TRIB2: variants seen among roughly 807,000 people sequenced by gnomAD.
TRIB2 encodes tribbles pseudokinase 2.
In TRIB2, 2 loss-of-function variants were observed where a neutral mutation model predicts 26.8. The observed-to-expected ratio is 0.07, with a 90% CI of 0.03 to 0.24. The LOEUF is 0.24. Among genes scored for constraint, TRIB2 ranks in the 10% least tolerant of loss-of-function variants. The probability of loss-of-function intolerance (pLI) is 1.00; values close to 1 mark genes in which losing one functional copy is unlikely to be tolerated. For missense variants in TRIB2, 306 were observed against 449.0 expected (o/e 0.68, Z 2.88); for synonymous variants, 189 against 187.3 (o/e 1.01, Z -0.08).
At position 12,734,369 on chromosome 2, in the gene TRIB2, A is replaced by T. The variant is rs1178384113; in HGVS notation, c.564-5957A>T. On this transcript the variant is annotated intron_variant, in intron 2 of 2. Coordinates refer to ENST00000155926, the MANE Select transcript of TRIB2 (RefSeq NM_021643.4). ...GATTACTGTAGTCAGAACTGAATAA[A>T]GTGAGGGGACTGGGCTGGGCACAGA... Among the ~76,000 whole-genome samples the T allele has an allele frequency of 3.9e-5, 6 of 152,162 alleles. No individual in the cohort carries two copies. The East Asian group carries it at 9.6e-4, about 24-fold the overall frequency.
intron 2 of TRIB2, among the ~76,000 whole-genome samples, chr2:12,727,385 G>C (rs1452997553): frequency 1.3e-5 from 2 of 152,172 alleles, no homozygotes; most frequent in African/African-American, 4.8e-5. Flanking sequence ...GCTCGCCTGG[G>C]CAGCCTATTC....
intron 2 of TRIB2, among the ~76,000 whole-genome samples, chr2:12,735,714 A>G (rs1234847095): frequency 6.6e-6 from 1 of 152,104 alleles, no homozygotes; most frequent in East Asian, 1.9e-4. Context: ...TCTTGAACCC[A>G]GGTCTCTGTG....
At chr2:12,723,194 G>C (rs1171034080) in intron 1 of TRIB2, 66 bp from the exon 2 acceptor site, 6 of 1,530,002 alleles carry the variant, frequency 3.9e-6, no homozygotes, top group Non-Finnish European at 4.4e-6. Context: ...GGGAGGTGCA[G>C]CATTATGTGT....
Position 12,740,243 on chromosome 2 carries a change from A to G in TRIB2, c.564-83A>G. On this transcript the variant is annotated intron_variant, in intron 2 of 2. Coordinates refer to ENST00000155926, the MANE Select transcript of TRIB2 (RefSeq NM_021643.4). The surrounding 1 kb of genome is among the most constrained non-coding windows in gnomAD (Gnocchi z 5.8). ...ATGTGAATGAGGAGTCTTCAGAAAC[A>G]CTATAGTCGGTTATGTTATGATGCT... The G allele has an allele frequency of 7.6e-7, 1 of 1,316,056 alleles. No individual in the cohort carries two copies. Among genetic ancestry groups the G allele is most frequent in the African/African-American group, 1.5e-5 (1 of 68,292 alleles). The allele number at this position is 1,316,056 out of a possible 1,614,324, so 81.5% of individuals were successfully genotyped here.
rs758430503 is a variant in TRIB2, at chr2:12,723,243, T to C, written c.271-17T>C. Reference sequence around the variant, plus strand: ...GAGGCACCTCTGACTTTGGTCTTACTGTTAATCCTGTCGTAGGTGTTTGAT... The same window carrying C: ...GAGGCACCTCTGACTTTGGTCTTACCGTTAATCCTGTCGTAGGTGTTTGAT... On this transcript the variant is annotated splice_polypyrimidine_tract_variant and intron_variant, in intron 1 of 2. Coordinates refer to ENST00000155926, the MANE Select transcript of TRIB2 (RefSeq NM_021643.4). The C allele has an allele frequency of 3.7e-6, 6 of 1,605,532 alleles. No homozygotes were observed. The East Asian group carries it at 8.9e-5, about 24-fold the overall frequency.
intron 2 of TRIB2, among the ~76,000 whole-genome samples, chr2:12,729,231 C>T (rs141952131): frequency 7.2e-5 from 11 of 152,268 alleles, no homozygotes; most frequent in South Asian, 2.1e-4. Flanking sequence ...TCTGATGGCC[C>T]GTGTGTGCAT....
rs1661687259 is a variant in TRIB2, at chr2:12,740,360, T to C, written c.598T>C (p.Tyr200His). 6 of 1,614,186 alleles carry C rather than the reference T, an allele frequency of 3.7e-6. No homozygotes were observed. Among genetic ancestry groups the C allele is most frequent in the Non-Finnish European group, 5.1e-6 (6 of 1,180,022 alleles). ...RVKLESLEDA[Y>H]ILRGDDDSLS... ...CAAGCTGGAAAGCCTGGAAGACGCC[T>C]ACATTCTGCGGGGAGATGATGATTC... Residue 200 changes from tyrosine to histidine, a missense_variant, in exon 3 of 3, where the codon TAC becomes CAC. Physicochemically the swap from Tyr to His is moderately conservative, Grantham distance 83 (BLOSUM62 2). Coordinates refer to ENST00000155926, the MANE Select transcript of TRIB2 (RefSeq NM_021643.4). The surrounding 1 kb of genome is among the most constrained non-coding windows in gnomAD (Gnocchi z 5.8).
rs757254881 is a variant in TRIB2 at position 12,721,877 on chromosome 2, G to A, written c.271-1383G>A. 2.7e-4 allele frequency among the ~76,000 whole-genome samples: 41 copies of A among 152,250 alleles called. 1 individual carries two copies. The highest frequency in any genetic ancestry group is 1.9e-3 in the Admixed American group (29 of 15,284). On this transcript the variant is annotated intron_variant, in intron 1 of 2. Transcript: ENST00000155926. The stretch of plus-strand genomic sequence containing the variant: ...TCTTAAATAGCAGTCTGTGGCTTTG[G>A]ATGGGCTTCAGAAAGCCCGTGAATC...
intron 2 of TRIB2, among the ~76,000 whole-genome samples, chr2:12,725,321 G>A (rs1661314484): frequency 6.6e-6 from 1 of 152,226 alleles, no homozygotes; most frequent in African/African-American, 2.4e-5. Context: ...AGAGCAGGGT[G>A]GAGGTCCCCA....
At chr2:12,730,574 G>A (rs575245386) in intron 2 of TRIB2, among the ~76,000 whole-genome samples, 11 of 152,162 alleles carry the variant, frequency 7.2e-5, no homozygotes, top group Non-Finnish European at 1.5e-4. Context: ...GCAGTCCTAC[G>A]TCCTGTTGTT....
At position 12,741,047 on chromosome 2, in the gene TRIB2, C is replaced by T. The variant is rs538877819; in HGVS notation, c.*253C>T. On this transcript the variant is annotated 3_prime_UTR_variant, in exon 3 of 3. Transcript: ENST00000155926. ...GTCTTCCCTAACATAGCCTGGGAGA[C>T]CACCCCTTGCCACTTGGGCCACTTC... 2.2e-5 allele frequency: 10 copies of T among 459,632 alleles called. No individual in the cohort carries two copies. The Admixed American group carries it at 3.8e-4, about 18-fold the overall frequency. The allele number at this position is 459,632 out of a possible 1,614,324, so 28.5% of individuals were successfully genotyped here. A position where few individuals can be genotyped will look rare whatever the true frequency, so the allele number is the denominator to read the frequency against.
chr2:12,739,102 G>T (rs561512542), intron 2 of TRIB2, among the ~76,000 whole-genome samples: 1 of 152,230 alleles, frequency 6.6e-6, no homozygotes, highest in Admixed American at 6.5e-5. Flanking sequence ...CACACCCTAT[G>T]CACGCAGACA....
intron 2 of TRIB2, among the ~76,000 whole-genome samples, chr2:12,730,562 G>A (rs193131311): frequency 1.8e-4 from 27 of 152,248 alleles, no homozygotes; most frequent in African/African-American, 5.5e-4. Flanking sequence ...CCAACCCTGC[G>A]GGCAGTCCTA....
intron 1 of TRIB2, among the ~76,000 whole-genome samples, chr2:12,721,772 C>G (rs1008299625): frequency 6.6e-6 from 1 of 152,218 alleles, no homozygotes; most frequent in African/African-American, 2.4e-5. Flanking sequence ...TTAGCAGCAA[C>G]TCTTGAGGTT....
chr2:12,735,904 G>A (rs1661556893), intron 2 of TRIB2, among the ~76,000 whole-genome samples: 1 of 152,178 alleles, frequency 6.6e-6, no homozygotes, highest in African/African-American at 2.4e-5. Flanking sequence ...GTATTTGGCA[G>A]CATGTGGGAT....
chr2:12,740,889 C>A lies in TRIB2; in HGVS notation c.*95C>A. On this transcript the variant is annotated 3_prime_UTR_variant, in exon 3 of 3. Coordinates refer to ENST00000155926, the MANE Select transcript of TRIB2 (RefSeq NM_021643.4). The surrounding 1 kb of genome is among the most constrained non-coding windows in gnomAD (Gnocchi z 5.8). ...GGACACGAATTGCCTGGCTGAGTAG[C>A]AAGAAAGACACACTCTTAAGTTTCT... 8.7e-7 allele frequency: 1 copy of A among 1,151,658 alleles called. No individual in the cohort carries two copies. The highest frequency in any genetic ancestry group is 1.2e-6 in the Non-Finnish European group (1 of 810,898). The allele number at this position is 1,151,658 out of a possible 1,614,324, so 71.3% of individuals were successfully genotyped here.
At chr2:12,737,641 A>G (rs1417980969) in intron 2 of TRIB2, among the ~76,000 whole-genome samples, 1 of 152,236 alleles carries the variant, frequency 6.6e-6, no homozygotes, top group Non-Finnish European at 1.5e-5. Flanking sequence ...GCAGAAGACT[A>G]TGTATTCTAT....
chr2:12,733,546 T>C (rs1335943481), intron 2 of TRIB2, among the ~76,000 whole-genome samples: 1 of 152,214 alleles, frequency 6.6e-6, no homozygotes, highest in African/African-American at 2.4e-5. Flanking sequence ...TTAGGTAGCA[T>C]GCATATATCA....
chr2:12,740,772 A>T lies in TRIB2; in HGVS notation c.1010A>T (p.Asn337Ile). The T allele has an allele frequency of 6.2e-7, 1 of 1,613,918 alleles. No homozygotes were observed. Among genetic ancestry groups the T allele is most frequent in the Non-Finnish European group, 8.5e-7 (1 of 1,179,852 alleles). Residue 337 changes from asparagine (N) to isoleucine (I), a missense_variant, in exon 3 of 3, where the codon AAC becomes ATC. Physicochemically the swap from Asn to Ile is moderately radical, Grantham distance 149 (BLOSUM62 -3). Around this residue, in one of 4 missense-constraint regions of TRIB2, gnomAD observed 78 missense variants for 104.9 expected, o/e 0.74. Transcript: ENST00000155926. The surrounding 1 kb of genome is among the most constrained non-coding windows in gnomAD (Gnocchi z 5.8). ...QLVPDVNMEE[N>I]LDPFFN The stretch of plus-strand genomic sequence containing the variant: ...GTGCCGGACGTCAACATGGAAGAGA[A>T]CTTGGACCCTTTCTTTAACTGAGCT...
Sources: gnomAD v4.1 joint callset for allele counts (sites outside exome capture counted in the v4.1 genomes callset) on GRCh38, gnomAD v4.1.1 for gene constraint, gnomAD v4.1.1 regional missense constraint, Gnocchi (gnomAD v3.1) non-coding constraint, MANE v1.5 for transcripts, NCBI Gene and HGNC (gene_info 2026-07-23, HGNC 2026-07-21) for gene names.